The following TGM6 variants were observed in gnomAD, a reference collection of about 807,000 sequenced individuals.
The protein encoded by TGM6 is protein-glutamine gamma-glutamyltransferase 6.
TGM6 carries 74 observed loss-of-function variants against 77.5 expected under a neutral mutation model. That is an observed-to-expected ratio of 0.96 (90% CI 0.79 to 1.16). TGM6 has a LOEUF of 1.16. Among genes scored for constraint, TGM6 ranks in the 50% most tolerant of loss-of-function variants. TGM6 has a pLI of 0.00. For missense variants in TGM6, 968 were observed against 940.2 expected, an observed-to-expected ratio of 1.03 and a Z score of -0.39; for synonymous variants, 383 against 378.9, an observed-to-expected ratio of 1.01 and a Z score of -0.12.
chr20:2,410,272 T>C (rs2084777002), intron 9 of TGM6, among the ~76,000 whole-genome samples: 1 of 152,154 alleles, frequency 6.6e-6, no homozygotes, highest in African/African-American at 2.4e-5. Flanking sequence ...AATGAAACTC[T>C]GTAAAAACTG....
chr20:2,386,746 G>A (rs552997113), intron 1 of TGM6, among the ~76,000 whole-genome samples: 11 of 152,198 alleles, frequency 7.2e-5, no homozygotes, highest in African/African-American at 1.4e-4. Flanking sequence ...CCTCTTGCCC[G>A]TCTGTGATAA....
Position 2,403,702 on chromosome 20 carries a change from C to A in TGM6, c.1215C>A (p.His405Gln), listed in dbSNP as rs533665038. 1.9e-6 allele frequency: 3 copies of A among 1,614,162 alleles called. No individual in the cohort carries two copies. The highest frequency in any genetic ancestry group is 4.5e-5 in the East Asian group (2 of 44,884). The change falls in exon 9 of 13, where the codon CAC becomes CAA. Residue 405 changes from histidine (H) to glutamine (Q), a missense_variant. His to Gln is a conservative substitution (Grantham distance 24). Coordinates refer to ENST00000202625, the MANE Select transcript of TGM6 (RefSeq NM_198994.3). ...CCGACTACATCACCTGGCTGTGGCA[C>A]GAGGATGAGAGCCGGGAGCGTGTAT... ...VNADYITWLW[H>Q]EDESRERVYS... is the part of the protein sequence containing the mutation.
At chr20:2,429,745 G>A (rs372743494) in intron 10 of TGM6, among the ~76,000 whole-genome samples, 12 of 151,862 alleles carry the variant, frequency 7.9e-5, no homozygotes, top group South Asian at 2.1e-4. Flanking sequence ...CTCCAGCCTC[G>A]CGACAGAGCG....
At chr20:2,401,722 G>A (rs1005855499) in intron 7 of TGM6, among the ~76,000 whole-genome samples, 1 of 152,144 alleles carries the variant, frequency 6.6e-6, no homozygotes. Flanking sequence ...ACCCATCCAA[G>A]GCCACACAGC....
intron 4 of TGM6, among the ~76,000 whole-genome samples, chr20:2,397,201 G>A (rs2084675138): frequency 6.6e-6 from 1 of 152,212 alleles, no homozygotes; most frequent in South Asian, 2.1e-4. Flanking sequence ...TATTGTAGTT[G>A]GGTCTCTACA....
intron 1 of TGM6, among the ~76,000 whole-genome samples, chr20:2,385,224 G>A (rs1302010635): frequency 6.6e-6 from 1 of 152,216 alleles, no homozygotes; most frequent in Admixed American, 6.5e-5. Context: ...TTGCCCGTCT[G>A]TGTTAAGGAT....
intron 1 of TGM6, among the ~76,000 whole-genome samples, chr20:2,386,635 G>C (rs531256313): frequency 2.0e-5 from 3 of 152,064 alleles, no homozygotes; most frequent in Admixed American, 6.6e-5. Context: ...CCAAGAATTC[G>C]GCCAAGGGAA....
intron 10 of TGM6, among the ~76,000 whole-genome samples, 197 bp downstream of exon 10, chr20:2,417,770 A>G (rs2084828890): frequency 1.3e-5 from 2 of 152,260 alleles, no homozygotes; most frequent in Admixed American, 6.5e-5. Flanking sequence ...GCAAAACACT[A>G]ATAACAGTAA....
intron 9 of TGM6, among the ~76,000 whole-genome samples, chr20:2,414,944 G>GCC (rs1555800998): frequency 2.1e-5 from 2 of 97,304 alleles, no homozygotes; most frequent in African/African-American, 9.6e-5. Context: ...TGGGGGGGGG[G>GCC]GTGAAAAAAC....
chr20:2,391,265 G>T (rs562224328), intron 1 of TGM6, among the ~76,000 whole-genome samples: 2 of 152,174 alleles, frequency 1.3e-5, no homozygotes, highest in Admixed American at 1.3e-4. Flanking sequence ...TACATACAAA[G>T]ATTTTATTAT....
At position 2,403,571 on chromosome 20, in the gene TGM6, T is replaced by G; in HGVS notation, c.1094-10T>G. On this transcript the variant is annotated splice_polypyrimidine_tract_variant and intron_variant, in intron 8 of 12. Coordinates refer to ENST00000202625, the MANE Select transcript of TGM6 (RefSeq NM_198994.3). ...TACCCATGCTGCTCATGCCCACCCC[T>G]CCTGCCCAGGTGTGTTCCGGTGCGG... is the stretch of plus-strand genomic sequence containing the variant. The G allele has an allele frequency of 6.2e-7, 1 of 1,614,026 alleles. No homozygotes were observed. The highest frequency in any genetic ancestry group is 1.1e-5 in the South Asian group (1 of 91,074).
At position 2,396,564 on chromosome 20, in the gene TGM6, C is replaced by CG. The variant is rs1364875995; in HGVS notation, c.485dup (p.Ile163HisfsTer21). 3.1e-6 allele frequency: 5 copies of CG among 1,614,200 alleles called. No individual in the cohort carries two copies. The highest frequency in any genetic ancestry group is 1.3e-5 in the African/African-American group (1 of 75,044). ...GACAGGAGTACGTGCTCAGCGACAG[C>CG]GGCATCATCTTCCGAGGCGTGGAGA... On this transcript the variant is annotated frameshift_variant, in exon 4 of 13. Coordinates refer to ENST00000202625, the MANE Select transcript of TGM6 (RefSeq NM_198994.3). LOFTEE classifies it high-confidence loss of function.
At chr20:2,419,857 C>A (rs10485600) in intron 10 of TGM6, among the ~76,000 whole-genome samples, 15,993 of 152,236 alleles carry the variant, frequency 0.11, 828 homozygotes, top group South Asian at 0.14. Context: ...TGTTTATCTA[C>A]AGAGTGTCAG....
At chr20:2,407,858 T>G (rs1172741870) in intron 9 of TGM6, among the ~76,000 whole-genome samples, 2 of 152,064 alleles carry the variant, frequency 1.3e-5, no homozygotes, top group East Asian at 3.9e-4. Context: ...TCAGGCATGA[T>G]TCAGAGGCAA....
rs575622127 is a variant in TGM6, at chr20:2,397,960, C to T, written c.586C>T (p.Arg196Ter). 16 of 1,614,134 alleles carry T rather than the reference C, an allele frequency of 9.9e-6. No homozygotes were observed. The highest frequency in any genetic ancestry group is 2.2e-5 in the East Asian group (1 of 44,870). ...GAACATCTGCCTCTCCATCCTGGAT[C>T]GAAGCCCCGGTCACCAAAACAACCC... ...ILNICLSILD[R>*]SPGHQNNPAT... The change falls in exon 5 of 13, where the codon CGA (arginine) becomes TGA (stop). Residue 196 changes from arginine (R) to a stop codon, truncating the protein, a stop_gained. Transcript: ENST00000202625. LOFTEE classifies it high-confidence loss of function.
At chr20:2,421,566 G>A (rs1269507772) in intron 10 of TGM6, among the ~76,000 whole-genome samples, 1 of 152,118 alleles carries the variant, frequency 6.6e-6, no homozygotes. Flanking sequence ...ATACTTATTT[G>A]ACATCTCTAT....
chr20:2,394,419 G>A (rs561922576), intron 1 of TGM6, 33 bp from the exon 2 acceptor site: 15 of 1,608,504 alleles, frequency 9.3e-6, no homozygotes, highest in South Asian at 3.3e-5. Context: ...ACAGGAGGCC[G>A]TGGCCTCATC....
rs745804281 is a variant in TGM6, at chr20:2,403,757, A to C, written c.1270A>C (p.Ile424Leu). The C allele has an allele frequency of 1.4e-5, 23 of 1,614,130 alleles. No individual in the cohort carries two copies. Among genetic ancestry groups the C allele is most frequent in the Admixed American group, 1.7e-5 (1 of 60,008 alleles). Residue 424 changes from isoleucine (I) to leucine (L), a missense_variant, in exon 9 of 13, where the codon ATC (isoleucine) becomes CTC (leucine). Transcript: ENST00000202625. ...AAACACGAAGAAGATTGGGAGATGC[A>C]TCAGCACCAAGGCGGTGGGCAGTGA... ...YSNTKKIGRC[I>L]STKAVGSDSR...
chr20:2,387,370 C>G (rs1321198892), intron 1 of TGM6, among the ~76,000 whole-genome samples: 1 of 152,220 alleles, frequency 6.6e-6, no homozygotes, highest in Non-Finnish European at 1.5e-5. Flanking sequence ...CCCCCTGGAA[C>G]TGTTGTTCCA....
Sources: gnomAD v4.1 joint callset for allele counts (sites outside exome capture counted in the v4.1 genomes callset) on GRCh38, gnomAD v4.1.1 for gene constraint, MANE v1.5 for transcripts, NCBI Gene and HGNC (gene_info 2026-07-23, HGNC 2026-07-21) for gene names.